The following TEX26 variants were observed in gnomAD, a reference collection of about 807,000 sequenced individuals.
The protein encoded by TEX26 is testis expressed 26, also known as testis-expressed protein 26.
A neutral mutation model predicts 35.3 loss-of-function variants in TEX26; 34 were observed. The observed-to-expected ratio is 0.96, with a 90% confidence interval of 0.73 to 1.28. TEX26 has a LOEUF of 1.28. TEX26 is among the 50% of genes most tolerant of loss of function. The pLI, the probability that TEX26 is intolerant of heterozygous loss-of-function variation, is 0.00. For synonymous variants in TEX26, 136 were observed against 111.8 expected (o/e 1.22, Z -1.36); for missense variants, 371 against 330.1 (o/e 1.12, Z -0.96).
At chr13:30,959,445 C>T (rs1954256039) in intron 4 of TEX26, among the ~76,000 whole-genome samples, 1 of 152,084 alleles carries the variant, frequency 6.6e-6, no homozygotes, top group Non-Finnish European at 1.5e-5. Flanking sequence ...TCTCACTGGC[C>T]CTCCATCCAT....
At chr13:30,945,390 ATT>A (rs954496989) in intron 2 of TEX26, among the ~76,000 whole-genome samples, 1 of 150,468 alleles carries the variant, frequency 6.6e-6, no homozygotes, top group African/African-American at 2.4e-5. Context: ...TGGTTTGTGG[ATT>A]TTTTTTTAAT....
At chr13:30,954,277 TACACACAC>T (rs56003143) in intron 3 of TEX26, among the ~76,000 whole-genome samples, 42,392 of 137,682 alleles carry the variant, frequency 0.31, 6,579 homozygotes, top group East Asian at 0.37. Context: ...TATAGACCTA[TACACACAC>T]ACACACACAC....
intron 3 of TEX26, among the ~76,000 whole-genome samples, chr13:30,956,244 CTA>C (rs769542854): frequency 2.4e-4 from 35 of 148,434 alleles, no homozygotes; most frequent in Admixed American, 6.1e-4. Context: ...CAATTCCCAC[CTA>C]TGAGTGAGAA....
At chr13:30,944,918 C>A (rs539230912) in intron 2 of TEX26, among the ~76,000 whole-genome samples, 1 of 151,898 alleles carries the variant, frequency 6.6e-6, no homozygotes, top group African/African-American at 2.4e-5. Flanking sequence ...GTATATTCTG[C>A]AATTCTTGGG....
At position 30,952,664 on chromosome 13, in the gene TEX26, A is replaced by C. The variant is rs763796853; in HGVS notation, c.151A>C (p.Asn51His). 11 of 1,579,418 alleles carry C rather than the reference A, an allele frequency of 7.0e-6. No homozygotes were observed. The African/African-American group carries it at 1.5e-4, about 22-fold the overall frequency. ...TTCTGCTGGGTTTTTTTATAGCCAA[A>C]ACGGTATCAGAAGATTAGGATATAC... ...TGAVPALIRQ[N>H]GIRRLGYTYS... The change falls in exon 3 of 7, where the codon AAC becomes CAC. Residue 51 changes from asparagine to histidine, a missense_variant. Asn to His is a moderately conservative substitution (Grantham distance 68). Coordinates refer to ENST00000380473, the MANE Select transcript of TEX26 (RefSeq NM_152325.3).
At chr13:30,974,129 A>T (rs867990746) in intron 6 of TEX26, among the ~76,000 whole-genome samples, 9 of 79,006 alleles carry the variant, frequency 1.1e-4, no homozygotes, top group Non-Finnish European at 1.9e-4. Flanking sequence ...TAAAAAAAAA[A>T]AAATATATAT....
chr13:30,968,098 A>C (rs1164284664), intron 5 of TEX26, among the ~76,000 whole-genome samples: 3 of 152,236 alleles, frequency 2.0e-5, no homozygotes, highest in Non-Finnish European at 4.4e-5. Context: ...TGAAAAATTG[A>C]CTGACAAAAA....
At chr13:30,949,896 T>G (rs1416968486) in intron 2 of TEX26, among the ~76,000 whole-genome samples, 1 of 152,172 alleles carries the variant, frequency 6.6e-6, no homozygotes, top group Non-Finnish European at 1.5e-5. Flanking sequence ...ATAGTGAAAA[T>G]TAATATTGGT....
chr13:30,960,524 T>C (rs1390705677), intron 4 of TEX26, among the ~76,000 whole-genome samples: 4 of 152,190 alleles, frequency 2.6e-5, no homozygotes, highest in East Asian at 1.9e-4. Flanking sequence ...GGATTACAGA[T>C]ATGAGCCACC....
intron 5 of TEX26, among the ~76,000 whole-genome samples, chr13:30,967,227 G>A (rs1375240023): frequency 6.6e-6 from 1 of 152,136 alleles, no homozygotes; most frequent in Non-Finnish European, 1.5e-5. Context: ...CATGGGGTTG[G>A]GATCAAGTAG....
intron 2 of TEX26, among the ~76,000 whole-genome samples, chr13:30,946,483 C>T (rs1406779593): frequency 3.3e-5 from 5 of 151,924 alleles, no homozygotes; most frequent in African/African-American, 1.2e-4. Flanking sequence ...TGCTGGAGAG[C>T]TAGTGTGATC....
intron 3 of TEX26, among the ~76,000 whole-genome samples, chr13:30,953,956 G>A (rs997656938): frequency 2.0e-5 from 3 of 152,206 alleles, no homozygotes; most frequent in Non-Finnish European, 4.4e-5. Flanking sequence ...GAAGAGGAAA[G>A]TATAATGTTC....
chr13:30,948,185 T>C (rs1163143623), intron 2 of TEX26, among the ~76,000 whole-genome samples: 1 of 152,226 alleles, frequency 6.6e-6, no homozygotes, highest in Non-Finnish European at 1.5e-5. Context: ...TTGTGAATAG[T>C]GCCGCAATAA....
chr13:30,970,554 T>G (rs1404516291), intron 6 of TEX26, among the ~76,000 whole-genome samples: 3 of 152,176 alleles, frequency 2.0e-5, no homozygotes, highest in African/African-American at 7.2e-5. Context: ...GTATATAAAA[T>G]TATCCTCTGC....
intron 4 of TEX26, among the ~76,000 whole-genome samples, chr13:30,960,962 G>T (rs1238482222): frequency 6.6e-6 from 1 of 152,174 alleles, no homozygotes; most frequent in Admixed American, 6.5e-5. Context: ...TAAAAACTGT[G>T]TACAAAGAAG....
At chr13:30,940,831 G>C (rs112573829) in intron 2 of TEX26, among the ~76,000 whole-genome samples, 1 of 151,800 alleles carries the variant, frequency 6.6e-6, no homozygotes, top group South Asian at 2.1e-4. Context: ...CCAGCTACTC[G>C]GGAGGCAGAG....
chr13:30,943,779 A>T (rs1206434409), intron 2 of TEX26, among the ~76,000 whole-genome samples: 2 of 152,058 alleles, frequency 1.3e-5, no homozygotes, highest in Non-Finnish European at 2.9e-5. Flanking sequence ...TGACATGCAT[A>T]TGTTAAAGCA....
intron 1 of TEX26, among the ~76,000 whole-genome samples, chr13:30,937,629 C>T (rs762265762): frequency 5.9e-5 from 9 of 152,132 alleles, no homozygotes; most frequent in Non-Finnish European, 1.0e-4. Flanking sequence ...AAGCATAAAG[C>T]GATGCCCACT....
chr13:30,949,156 GT>G (rs1387676909), intron 2 of TEX26, among the ~76,000 whole-genome samples: 1 of 152,156 alleles, frequency 6.6e-6, no homozygotes, highest in Non-Finnish European at 1.5e-5. Flanking sequence ...TTGTAGTATG[GT>G]TTGAAGTCAG....
Sources: gnomAD v4.1 joint callset for allele counts (sites outside exome capture counted in the v4.1 genomes callset) on GRCh38, gnomAD v4.1.1 for gene constraint, MANE v1.5 for transcripts, NCBI Gene and HGNC (gene_info 2026-07-23, HGNC 2026-07-21) for gene names.